TNC: variants seen among roughly 807,000 people sequenced by gnomAD.
TNC encodes tenascin C.
A neutral mutation model predicts 202.4 loss-of-function variants in TNC; 109 were observed. That is an observed-to-expected ratio of 0.54 (90% CI 0.46 to 0.63). The LOEUF (loss-of-function observed/expected upper bound fraction) is 0.63. TNC is among the 30% of genes least tolerant of loss of function. The pLI is 0.00. For synonymous variants in TNC, 1,007 were observed against 1,089.7 expected (o/e 0.92, Z 1.50); for missense variants, 2,756 against 2,833.3 (o/e 0.97, Z 0.62).
intron 15 of TNC, among the ~76,000 whole-genome samples, chr9:115,056,073 C>A (rs1343896737): frequency 6.6e-6 from 1 of 152,160 alleles, no homozygotes; most frequent in Non-Finnish European, 1.5e-5. Context: ...CCTCTCTCAA[C>A]CATGGGTGAC....
intron 1 of TNC, among the ~76,000 whole-genome samples, chr9:115,098,419 G>A (rs937705474): frequency 6.6e-6 from 1 of 152,132 alleles, no homozygotes; most frequent in Admixed American, 6.5e-5. Context: ...GCAGGGAATA[G>A]GCTAACAGTT....
intron 1 of TNC, among the ~76,000 whole-genome samples, chr9:115,100,058 C>T (rs554938456): frequency 2.0e-5 from 3 of 152,260 alleles, no homozygotes; most frequent in Admixed American, 1.3e-4. Flanking sequence ...GGCCAAGGTT[C>T]CTCAGGGGCA....
intron 3 of TNC, among the ~76,000 whole-genome samples, chr9:115,084,841 G>A (rs532979705): frequency 7.2e-5 from 11 of 152,292 alleles, no homozygotes; most frequent in African/African-American, 2.2e-4. Flanking sequence ...CACTGGGAGG[G>A]TATTTTGGGC....
At chr9:115,025,100 C>T (rs773470111) in intron 26 of TNC, among the ~76,000 whole-genome samples, 16 of 152,148 alleles carry the variant, frequency 1.1e-4, no homozygotes, top group Non-Finnish European at 2.1e-4. Context: ...GCCTTACAAA[C>T]GTTATCTCAG....
At chr9:115,060,098 A>G in intron 13 of TNC, 96 bp from the exon 14 acceptor site, 1 of 1,337,282 alleles carries the variant, frequency 7.5e-7, no homozygotes, top group Non-Finnish European at 1.0e-6. Context: ...GAGAAAGGGG[A>G]AAGATAATTT....
intron 24 of TNC, 150 bp from the exon 25 acceptor site, chr9:115,029,606 G>T (rs1326451433): frequency 5.6e-6 from 4 of 716,884 alleles, no homozygotes. Flanking sequence ...GTGGTCACCT[G>T]CCCCTCCTTA....
intron 1 of TNC, among the ~76,000 whole-genome samples, chr9:115,103,343 T>C (rs1017916194): frequency 2.6e-5 from 4 of 152,246 alleles, no homozygotes; most frequent in African/African-American, 9.6e-5. Flanking sequence ...AGTAACCCTT[T>C]CAATTTCATT....
intron 26 of TNC, 87 bp downstream of exon 26, chr9:115,026,447 G>A (rs1047004798): frequency 1.4e-6 from 2 of 1,402,498 alleles, no homozygotes; most frequent in Non-Finnish European, 2.0e-6. Flanking sequence ...GGATTAATGA[G>A]GAAGGAATGA....
At position 115,064,927 on chromosome 9, in the gene TNC, A is replaced by G. The variant is rs376533843; in HGVS notation, c.3215-8T>C. ...CCAGCTCAGGGGCTTGTTCTGAATA[A>G]TGACAGAGATGGGGTCAGTTAAACT... On this transcript the variant is annotated splice_region_variant and splice_polypyrimidine_tract_variant and intron_variant, in intron 10 of 27. Transcript: ENST00000350763. 6 of 1,609,772 alleles carry G rather than the reference A, an allele frequency of 3.7e-6. No homozygotes were observed. Among genetic ancestry groups the G allele is most frequent in the Middle Eastern group, 1.7e-4 (1 of 6,060 alleles).
chr9:115,106,063 G>C (rs77049264), intron 1 of TNC, among the ~76,000 whole-genome samples: 2,775 of 152,248 alleles, frequency 0.018, 90 homozygotes, highest in African/African-American at 0.064. Flanking sequence ...AGGAAGTAGA[G>C]ATATACCTAA....
chr9:115,039,672 G>A (rs1037460490), intron 19 of TNC, among the ~76,000 whole-genome samples: 2 of 152,252 alleles, frequency 1.3e-5, no homozygotes, highest in African/African-American at 4.8e-5. Flanking sequence ...CTTGAGGGAT[G>A]AAATGACTGG....
intron 10 of TNC, 138 bp downstream of exon 10, chr9:115,073,465 T>A: frequency 1.1e-6 from 1 of 948,752 alleles, no homozygotes; most frequent in Non-Finnish European, 1.5e-6. Flanking sequence ...CCTTTCAAAG[T>A]GGTGTTCAGG....
chr9:115,082,625 T>C, intron 5 of TNC, 67 bp downstream of exon 5: 1 of 1,199,752 alleles, frequency 8.3e-7, no homozygotes, highest in Non-Finnish European at 1.2e-6. Flanking sequence ...TACAGAAGTC[T>C]TCAGAACCCT....
At chr9:115,078,272 A>G in intron 6 of TNC, 60 bp from the exon 7 acceptor site, 2 of 1,530,942 alleles carry the variant, frequency 1.3e-6, no homozygotes, top group Non-Finnish European at 1.8e-6. Context: ...GAGGCTTAGC[A>G]GAGAGAGGAC....
At chr9:115,077,499 T>G (rs1588140234) in intron 7 of TNC, among the ~76,000 whole-genome samples, 2 of 152,366 alleles carry the variant, frequency 1.3e-5, no homozygotes, top group Admixed American at 1.3e-4. Flanking sequence ...CTCCTCATCA[T>G]ATTTCTAATA....
At chr9:115,036,321 C>A in intron 20 of TNC, 80 bp from the exon 21 acceptor site, 1 of 1,499,758 alleles carries the variant, frequency 6.7e-7, no homozygotes, top group Admixed American at 1.8e-5. Context: ...CACATACACA[C>A]CTCCTTCGAA....
In TNC at chr9:115,060,007, A is replaced by G. The variant is rs1832426111; in HGVS notation, c.4034-5T>C. On this transcript the variant is annotated splice_region_variant and splice_polypyrimidine_tract_variant and intron_variant, in intron 13 of 27. Transcript: ENST00000350763. ...CTCCCAGCTGTGGGAGATCCTCTGAAGAAGGACAGAAAAGTATTTGTCAGT... is the reference window on the plus strand; with the variant it reads ...CTCCCAGCTGTGGGAGATCCTCTGAGGAAGGACAGAAAAGTATTTGTCAGT... The G allele has an allele frequency of 6.2e-7, 1 of 1,608,072 alleles. No individual in the cohort carries two copies. The highest frequency in any genetic ancestry group is 1.7e-5 in the Admixed American group (1 of 59,474).
At position 115,073,761 on chromosome 9, in the gene TNC, T is replaced by C. The variant is rs1564096729; in HGVS notation, c.3056A>G (p.Tyr1019Cys). The C allele has an allele frequency of 6.2e-7, 1 of 1,614,158 alleles. No individual in the cohort carries two copies. Among genetic ancestry groups the C allele is most frequent in the Admixed American group, 1.7e-5 (1 of 60,022 alleles). ...LAKFDRYRLN[Y>C]SLPTGQWVGV... ...CACCCACTGGCCTGTGGGGAGACTG[T>C]AATTGAGGCGGTAGCGGTCAAATTT... is the stretch of plus-strand genomic sequence containing the variant. Residue 1019 changes from tyrosine to cysteine, a missense_variant, in exon 10 of 28, where the codon TAC becomes TGC. This residue lies in a region of TNC where 2,559 missense variants were observed against 2,546.0 expected (regional missense o/e 1.01). Coordinates refer to ENST00000350763, the MANE Select transcript of TNC (RefSeq NM_002160.4).
intron 27 of TNC, among the ~76,000 whole-genome samples, chr9:115,022,089 G>A (rs907605569): frequency 4.6e-5 from 7 of 152,240 alleles, no homozygotes; most frequent in Admixed American, 4.6e-4. Context: ...AGATGGTAGA[G>A]TCAATCCATG....
Sources: gnomAD v4.1 joint callset for allele counts (sites outside exome capture counted in the v4.1 genomes callset) on GRCh38, gnomAD v4.1.1 for gene constraint, gnomAD v4.1.1 regional missense constraint, MANE v1.5 for transcripts, NCBI Gene and HGNC (gene_info 2026-07-23, HGNC 2026-07-21) for gene names.